ITGA9: variants seen among roughly 807,000 people sequenced by gnomAD.
ITGA9 encodes the protein integrin subunit alpha 9, also known as integrin alpha-9.
ITGA9 carries 56 observed loss-of-function variants against 127.8 expected under a neutral mutation model. The observed-to-expected ratio is 0.44, with a 90% CI of 0.35 to 0.55. The LOEUF is 0.55. ITGA9 is among the 20% of genes least tolerant of loss of function. The pLI, the probability that ITGA9 is intolerant of heterozygous loss-of-function variation, is 0.00. For synonymous variants in ITGA9, 508 were observed against 514.5 expected (o/e 0.99, Z 0.17); for missense variants, 1,196 against 1,347.1 (o/e 0.89, Z 1.76).
In ITGA9 at chr3:37,502,289, ACT is replaced by A. The variant is rs538800492; in HGVS notation, c.613-888_613-887del. ...GAATGCAGTGGCATGGTCTTGGCTC[ACT>A]GAGACCTCTGCGTCCCGGGTTCAAG... On this transcript the variant is annotated intron_variant, in intron 5 of 27. Transcript: ENST00000264741. Among the ~76,000 whole-genome samples, 10 of 138,542 alleles carry A rather than the reference ACT, an allele frequency of 7.2e-5. No individual in the cohort carries two copies. The South Asian group carries it at 2.2e-3, about 31-fold the overall frequency. The allele number at this position is 138,542 out of a possible 152,430, so 90.9% of individuals were successfully genotyped here.
chr3:37,595,910 G>A (rs1012915972), intron 15 of ITGA9, among the ~76,000 whole-genome samples: 53 of 152,196 alleles, frequency 3.5e-4, no homozygotes, highest in African/African-American at 9.4e-4. Flanking sequence ...CAGCATGGCA[G>A]GAAGGTCAAA....
chr3:37,519,244 GTT>G lies in ITGA9; in HGVS notation c.1142-10_1142-9del. Reference sequence around the variant, plus strand: ...TAATGTGGCTTTTTAACCCATAGCTGTTTTTTTACCCTCAGATGTGGCCATTG... The same window carrying G: ...TAATGTGGCTTTTTAACCCATAGCTGTTTTTACCCTCAGATGTGGCCATTG... On this transcript the variant is annotated splice_polypyrimidine_tract_variant and intron_variant, in intron 10 of 27. Coordinates refer to ENST00000264741, the MANE Select transcript of ITGA9 (RefSeq NM_002207.3). 1 of 1,608,318 alleles carries G rather than the reference GTT, an allele frequency of 6.2e-7. No individual in the cohort carries two copies. Among genetic ancestry groups the G allele is most frequent in the Non-Finnish European group, 8.5e-7 (1 of 1,175,044 alleles).
At position 37,618,768 on chromosome 3, in the gene ITGA9, G is replaced by A. The variant is rs371631512; in HGVS notation, c.1690-10419G>A. Among the ~76,000 whole-genome samples, 12 of 152,338 alleles carry A rather than the reference G, an allele frequency of 7.9e-5. No homozygotes were observed. The East Asian group carries it at 1.2e-3, about 15-fold the overall frequency. ...GCGTAGGACTCTCCGAGCTAGGCACGGGATATAATCTCCTCGTGTGCTGTT... is the reference window on the plus strand; with the variant it reads ...GCGTAGGACTCTCCGAGCTAGGCACAGGATATAATCTCCTCGTGTGCTGTT... On this transcript the variant is annotated intron_variant, in intron 15 of 27. Coordinates refer to ENST00000264741, the MANE Select transcript of ITGA9 (RefSeq NM_002207.3).
At chr3:37,510,165 C>A (rs563788515) in intron 8 of ITGA9, among the ~76,000 whole-genome samples, 2 of 151,354 alleles carry the variant, frequency 1.3e-5, no homozygotes, top group African/African-American at 2.4e-5. Flanking sequence ...CCATGCCCAG[C>A]AAATTTTTGT....
At chr3:37,656,596 A>G (rs1700479500) in intron 17 of ITGA9, among the ~76,000 whole-genome samples, 1 of 152,208 alleles carries the variant, frequency 6.6e-6, no homozygotes, top group South Asian at 2.1e-4. Context: ...TTGGGCTGAG[A>G]CTATGGGGTT....
intron 13 of ITGA9, 143 bp from the exon 14 acceptor site, chr3:37,533,171 T>C: frequency 1.3e-6 from 1 of 784,908 alleles, no homozygotes; most frequent in South Asian, 1.5e-5. Flanking sequence ...CAGAACATAC[T>C]AGCCCTTCTC....
intron 16 of ITGA9, among the ~76,000 whole-genome samples, chr3:37,639,849 A>G (rs1700315353): frequency 6.6e-6 from 1 of 152,120 alleles, no homozygotes; most frequent in Non-Finnish European, 1.5e-5. Context: ...TGAAACAATC[A>G]TGGGAAGTCC....
intron 17 of ITGA9, among the ~76,000 whole-genome samples, chr3:37,655,145 A>G (rs1700465267): frequency 6.6e-6 from 1 of 152,192 alleles, no homozygotes; most frequent in South Asian, 2.1e-4. Flanking sequence ...GAGTGCTGCA[A>G]TAAACATATG....
rs1250079862 is a variant in ITGA9, at chr3:37,629,256, G to A, written c.1759G>A (p.Gly587Arg). 1 of 1,613,988 alleles carries A rather than the reference G, an allele frequency of 6.2e-7. No homozygotes were observed. Among genetic ancestry groups the A allele is most frequent in the Admixed American group, 1.7e-5 (1 of 60,028 alleles). The change falls in exon 16 of 28, where the codon GGA (glycine) becomes AGA (arginine). Residue 587 changes from glycine (G) to arginine (R), a missense_variant. Transcript: ENST00000264741. This position sits in a 1 kb window ranked among gnomAD's most constrained non-coding sequence, Gnocchi z 4.5. ...AAYSLSEHVT[G>R]EEERELPPLT... Reference sequence around the variant, plus strand: ...CTACAGCCTCAGTGAGCATGTGACTGGAGAGGAGGAGAGGGAACTGCCGCC... The same window carrying A: ...CTACAGCCTCAGTGAGCATGTGACTAGAGAGGAGGAGAGGGAACTGCCGCC...
intron 18 of ITGA9, among the ~76,000 whole-genome samples, chr3:37,703,394 T>G (rs1168989383): frequency 6.6e-6 from 1 of 152,268 alleles, no homozygotes. Flanking sequence ...ATTACAACTT[T>G]CTTTTTCATT....
intron 15 of ITGA9, among the ~76,000 whole-genome samples, chr3:37,585,906 T>G (rs149071852): frequency 8.5e-5 from 13 of 152,332 alleles, no homozygotes; most frequent in Non-Finnish European, 1.8e-4. Flanking sequence ...TTGATCCAGA[T>G]CCAGTTGGGC....
At chr3:37,527,759 T>A (rs1026651533) in intron 13 of ITGA9, among the ~76,000 whole-genome samples, 1 of 148,582 alleles carries the variant, frequency 6.7e-6, no homozygotes, top group African/African-American at 2.5e-5. Context: ...TCCTCAACTT[T>A]TACAGTTGAA....
intron 17 of ITGA9, among the ~76,000 whole-genome samples, chr3:37,680,906 C>T (rs1327410533): frequency 6.6e-6 from 1 of 152,258 alleles, no homozygotes; most frequent in South Asian, 2.1e-4. Flanking sequence ...TTATTGGAGG[C>T]CGTTCAAGAA....
chr3:37,724,418 T>G (rs1466148546), intron 18 of ITGA9, among the ~76,000 whole-genome samples: 1 of 152,230 alleles, frequency 6.6e-6, no homozygotes, highest in African/African-American at 2.4e-5. Context: ...AAGTTCCTTA[T>G]AGCCTGGATC....
chr3:37,746,608 C>T (rs1342010783), intron 22 of ITGA9, among the ~76,000 whole-genome samples: 1 of 152,148 alleles, frequency 6.6e-6, no homozygotes, highest in Non-Finnish European at 1.5e-5. Flanking sequence ...CATTGCTTAC[C>T]CCATTCATGC....
rs144186234 is a variant in ITGA9, at chr3:37,726,447, G to A, written c.2068-6265G>A. The stretch of plus-strand genomic sequence containing the variant: ...TCTGTTCCCAAAGAGCACCATATTC[G>A]TGGTCAAGTAAGGCCAGAGTCTAGA... On this transcript the variant is annotated intron_variant, in intron 18 of 27. Coordinates refer to ENST00000264741, the MANE Select transcript of ITGA9 (RefSeq NM_002207.3). Among the ~76,000 whole-genome samples, 72 of 152,332 alleles carry A rather than the reference G, an allele frequency of 4.7e-4. No homozygotes were observed. In the East Asian group the frequency reaches 0.011, roughly 24 times the overall value.
intron 15 of ITGA9, among the ~76,000 whole-genome samples, chr3:37,625,461 A>T (rs914293111): frequency 2.9e-4 from 44 of 151,732 alleles, no homozygotes; most frequent in African/African-American, 1.1e-3. Flanking sequence ...CTCTGTGGGG[A>T]CTCCTTCAGT....
intron 17 of ITGA9, among the ~76,000 whole-genome samples, chr3:37,682,796 C>G (rs1387881397): frequency 6.6e-6 from 1 of 152,170 alleles, no homozygotes; most frequent in Non-Finnish European, 1.5e-5. Context: ...TTCATCCAGT[C>G]CATGAGAAAA....
At chr3:37,679,125 A>C (rs1334450714) in intron 17 of ITGA9, among the ~76,000 whole-genome samples, 1 of 152,060 alleles carries the variant, frequency 6.6e-6, no homozygotes, top group Non-Finnish European at 1.5e-5. Flanking sequence ...TATGTTGACT[A>C]CTAATAATGA....
Sources: allele counts gnomAD v4.1 joint callset (sites outside exome capture counted in the v4.1 genomes callset), GRCh38; gene constraint gnomAD v4.1.1; non-coding constraint Gnocchi (gnomAD v3.1); transcripts MANE v1.5; gene names NCBI Gene and HGNC (gene_info 2026-07-23, HGNC 2026-07-21).